NCKIPSD: variants seen among roughly 807,000 people sequenced by gnomAD.
NCKIPSD encodes the protein NCK interacting protein with SH3 domain.
In NCKIPSD, 48 loss-of-function variants were observed where a neutral mutation model predicts 73.4. The ratio of observed to expected loss-of-function variants is 0.65; its 90% CI spans 0.52 to 0.83. The LOEUF (loss-of-function observed/expected upper bound fraction) is 0.83. Ranked by LOEUF, NCKIPSD falls within the 40% of genes least tolerant of loss-of-function variation. The pLI is 0.00. For missense variants in NCKIPSD, 884 were observed against 970.2 expected, an observed-to-expected ratio of 0.91 and a Z score of 1.18; for synonymous variants, 422 against 403.6, an observed-to-expected ratio of 1.05 and a Z score of -0.54.
In NCKIPSD at chr3:48,680,126, C is replaced by T; in HGVS notation, c.1196G>A (p.Arg399His). ...CTCATCCTCATATAGTGCCCAACTG[C>T]GCTGCTGGGCGTCGTCCTTCCGGCG... ...LARRKDDAQQ[R>H]SWALYEDEGV... Residue 399 changes from arginine to histidine, a missense_variant, in exon 6 of 13, where the codon CGC becomes CAC. Coordinates refer to ENST00000294129, the MANE Select transcript of NCKIPSD (RefSeq NM_016453.4). 5.6e-6 allele frequency: 9 copies of T among 1,614,082 alleles called. No homozygotes were observed. Among genetic ancestry groups the T allele is most frequent in the Non-Finnish European group, 7.6e-6 (9 of 1,180,020 alleles).
At chr3:48,682,205 T>C (rs7633840) in intron 3 of NCKIPSD, 49 bp from the exon 4 acceptor site, 1,059,179 of 1,569,148 alleles carry the variant, frequency 0.68, 363,972 homozygotes, top group East Asian at 0.96. Flanking sequence ...ATCTAGAGCG[T>C]CAGCGAGGCT....
chr3:48,685,914 A>C lies in NCKIPSD; in HGVS notation c.-107T>G. The C allele has an allele frequency of 1.6e-5, 17 of 1,056,710 alleles. No individual in the cohort carries two copies. Among genetic ancestry groups the C allele is most frequent in the East Asian group, 7.1e-5 (2 of 28,054 alleles). The allele number at this position is 1,056,710 out of a possible 1,614,324, so 65.5% of individuals were successfully genotyped here. On this transcript the variant is annotated 5_prime_UTR_variant, in exon 1 of 13. Transcript: ENST00000294129. Reference sequence around the variant, plus strand: ...CGGTTGTCCCGCCCCGTGACACACTACGCAGGCGCGCGCGCGCCCGCCCGC... The same window carrying C: ...CGGTTGTCCCGCCCCGTGACACACTCCGCAGGCGCGCGCGCGCCCGCCCGC...
chr3:48,681,143 T>G, intron 5 of NCKIPSD, 144 bp downstream of exon 5: 1 of 1,261,988 alleles, frequency 7.9e-7, no homozygotes, highest in Non-Finnish European at 1.1e-6. Flanking sequence ...GCTTCAGAAA[T>G]CAGCTCAACG....
At position 48,676,575 on chromosome 3, in the gene NCKIPSD, G is replaced by A. The variant is rs116824286; in HGVS notation, c.1966-1828C>T. Reference sequence around the variant, plus strand: ...GGCTCAATGCAGCCTTGACCTCCTGGGCTCAAGTAATCTTCCCACTTCAGC... The same window carrying A: ...GGCTCAATGCAGCCTTGACCTCCTGAGCTCAAGTAATCTTCCCACTTCAGC... On this transcript the variant is annotated intron_variant, in intron 12 of 12. Coordinates refer to ENST00000294129, the MANE Select transcript of NCKIPSD (RefSeq NM_016453.4). Among the ~76,000 whole-genome samples, 642 of 152,200 alleles carry A rather than the reference G, an allele frequency of 4.2e-3. 5 individuals carry two copies. Among genetic ancestry groups the A allele is most frequent in the African/African-American group, 0.014 (589 of 41,514 alleles).
intron 6 of NCKIPSD, 57 bp from the exon 7 acceptor site, chr3:48,679,944 A>T (rs2077323098): frequency 6.2e-7 from 1 of 1,612,342 alleles, no homozygotes. Context: ...GTGCAGCCGC[A>T]CAAGAGAGGG....
At chr3:48,674,935 G>A (rs928874477) in intron 12 of NCKIPSD, among the ~76,000 whole-genome samples, 188 bp from the exon 13 acceptor site, 6 of 152,088 alleles carry the variant, frequency 3.9e-5, no homozygotes, top group African/African-American at 9.7e-5. Context: ...GCGAATAAAC[G>A]AATCATCCCA....
Position 48,674,694 on chromosome 3 carries a change from G to C in NCKIPSD, c.2019C>G (p.Tyr673Ter). 11 of 1,614,114 alleles carry C rather than the reference G, an allele frequency of 6.8e-6. No homozygotes were observed. The highest frequency in any genetic ancestry group is 9.3e-6 in the Non-Finnish European group (11 of 1,180,020). Residue 673 changes from tyrosine to a stop codon, truncating the protein, a stop_gained, in exon 13 of 13, where the codon TAC becomes TAG. Coordinates refer to ENST00000294129, the MANE Select transcript of NCKIPSD (RefSeq NM_016453.4). LOFTEE classifies it high-confidence loss of function. ...LMHAIVRTTPYLQHRHRLPDL... is the reference protein window; with the variant it reads ...LMHAIVRTTP ...CGGGTAGCCGGTGGCGGTGCTGCAG[G>C]TAGGGTGTGGTGCGGACTATAGCAT...
In NCKIPSD at chr3:48,681,762, G is replaced by A. The variant is rs765606022; in HGVS notation, c.617C>T (p.Pro206Leu). The change falls in exon 5 of 13, where the codon CCC (proline) becomes CTC (leucine). Residue 206 changes from proline (P) to leucine (L), a missense_variant. Pro to Leu is a moderately conservative substitution (Grantham distance 98). Coordinates refer to ENST00000294129, the MANE Select transcript of NCKIPSD (RefSeq NM_016453.4). ...GCTGGACACAGAGTTACCCCCGGAG[G>A]GCATGGTGTTGTGGCCACCTGCGAG... ...ASGSGGHNTM[P>L]SGGNSVSSGS... 3 of 1,510,136 alleles carry A rather than the reference G, an allele frequency of 2.0e-6. No homozygotes were observed. The highest frequency in any genetic ancestry group is 2.3e-5 in the Admixed American group (1 of 43,756). 93.5% of individuals were successfully genotyped at this position (1,510,136 alleles called of 1,614,324 possible).
chr3:48,674,625 G>C lies in NCKIPSD; in HGVS notation c.2088C>G (p.Thr696=), dbSNP rs1237055952. 6.2e-7 allele frequency: 1 copy of C among 1,613,064 alleles called. No homozygotes were observed. Among genetic ancestry groups the C allele is most frequent in the Non-Finnish European group, 8.5e-7 (1 of 1,179,654 alleles). ...TGCGGTCCATCTGGCACTGGGGTGA[G>C]GTCTCCTCCTCATTCAGGATGCGTC... is the stretch of plus-strand genomic sequence containing the variant. ...ILRRILNEEE[T]SPQCQMDRMI... Residue 696 remains threonine, a synonymous_variant, in exon 13 of 13, where the codon ACC becomes ACG. Coordinates refer to ENST00000294129, the MANE Select transcript of NCKIPSD (RefSeq NM_016453.4).
At chr3:48,679,526 A>C (rs778014768) in intron 8 of NCKIPSD, 49 bp downstream of exon 8, 1 of 1,608,482 alleles carries the variant, frequency 6.2e-7, no homozygotes, top group South Asian at 1.1e-5. Context: ...TGGCAGGAAC[A>C]CCCTCCAGAT....
At chr3:48,683,569 TG>T (rs1186159537) in intron 1 of NCKIPSD, among the ~76,000 whole-genome samples, 1 of 152,176 alleles carries the variant, frequency 6.6e-6, no homozygotes, top group Admixed American at 6.5e-5. Flanking sequence ...ACCCTGCTGC[TG>T]GCCCTCATCC....
chr3:48,674,885 A>G (rs2077228709), intron 12 of NCKIPSD, 138 bp from the exon 13 acceptor site: 2 of 799,854 alleles, frequency 2.5e-6, no homozygotes, highest in African/African-American at 3.4e-5. Context: ...CACCCACAAT[A>G]TACCTGGCAC....
chr3:48,683,578 T>C (rs889101010), intron 1 of NCKIPSD, among the ~76,000 whole-genome samples: 1 of 152,094 alleles, frequency 6.6e-6, no homozygotes, highest in African/African-American at 2.4e-5. Flanking sequence ...CTGGCCCTCA[T>C]CCCCACAAGA....
rs368550254 is a variant in NCKIPSD, at chr3:48,674,321, G to A, written c.*223C>T. On this transcript the variant is annotated 3_prime_UTR_variant, in exon 13 of 13. Transcript: ENST00000294129. ...AGGAAGCCTACCAGGGTATAGAGGG[G>A]CTTTAGCTTGCATATTCCCCCTGCC... is the stretch of plus-strand genomic sequence containing the variant. 2.0e-5 allele frequency: 28 copies of A among 1,408,428 alleles called. 1 individual carries two copies. In the South Asian group the frequency reaches 3.9e-4, roughly 20 times the overall value. 87.2% of individuals were successfully genotyped at this position (1,408,428 alleles called of 1,614,324 possible). A position where few individuals can be genotyped will look rare whatever the true frequency, so the allele number is the denominator to read the frequency against.
At position 48,680,016 on chromosome 3, in the gene NCKIPSD, A is replaced by G. The variant is rs778560522; in HGVS notation, c.1263+43T>C. 2.2e-5 allele frequency: 36 copies of G among 1,602,762 alleles called. No homozygotes were observed. In the Admixed American group the frequency reaches 2.5e-4, roughly 11 times the overall value. On this transcript the variant is annotated intron_variant, in intron 6 of 12. Transcript: ENST00000294129. ...TGAGGGATGCTACAGGGTGGGGGCC[A>G]CTGTTCCCCATGTGGGGTATGTGTG...
At chr3:48,678,080 T>C (rs1312382143) in intron 12 of NCKIPSD, among the ~76,000 whole-genome samples, 1 of 152,236 alleles carries the variant, frequency 6.6e-6, no homozygotes, top group East Asian at 1.9e-4. Context: ...ATAAATCAAG[T>C]GGCAAGCCCT....
intron 1 of NCKIPSD, among the ~76,000 whole-genome samples, chr3:48,684,786 A>T (rs1037162357): frequency 6.6e-6 from 1 of 152,218 alleles, no homozygotes; most frequent in African/African-American, 2.4e-5. Context: ...GGCCACGATC[A>T]GACCAGGAGA....
In NCKIPSD at chr3:48,681,533, TGAG is replaced by T; in HGVS notation, c.843_845del (p.Ser282del). On this transcript the variant is annotated inframe_deletion, in exon 5 of 13. Transcript: ENST00000294129. ...CCAGGGCTTCCAGGTCATCAGAGGC[TGAG>T]GTTGTACCAGTTGCCACTTCTTCTT... 6.2e-7 allele frequency: 1 copy of T among 1,614,140 alleles called. No homozygotes were observed. The highest frequency in any genetic ancestry group is 1.3e-5 in the African/African-American group (1 of 75,054).
In NCKIPSD at chr3:48,681,700, A is replaced by T; in HGVS notation, c.679T>A (p.Tyr227Asn). The change falls in exon 5 of 13, where the codon TAT (tyrosine) becomes AAT (asparagine). Residue 227 changes from tyrosine to asparagine, a missense_variant. Tyr to Asn is a moderately radical substitution (Grantham distance 143). Transcript: ENST00000294129. ...SVSSTSLDTL[Y>N]TSSSPSEPGS... ...GGTTCAGATGGGCTGGAGCTGGTAT[A>T]GAGCGTGTCCAGGGAGGTGCTGCTG... 1 of 1,578,962 alleles carries T rather than the reference A, an allele frequency of 6.3e-7. No individual in the cohort carries two copies. Among genetic ancestry groups the T allele is most frequent in the Admixed American group, 1.8e-5 (1 of 56,998 alleles).
Sources: allele counts gnomAD v4.1 joint callset (sites outside exome capture counted in the v4.1 genomes callset), GRCh38; gene constraint gnomAD v4.1.1; transcripts MANE v1.5; gene names NCBI Gene and HGNC (gene_info 2026-07-23, HGNC 2026-07-21).